TNXB: variants seen among roughly 807,000 people sequenced by gnomAD.
TNXB encodes tenascin XB.
A neutral mutation model predicts 340.5 loss-of-function variants in TNXB; 183 were observed. The observed-to-expected ratio is 0.54, with a 90% CI of 0.48 to 0.61. The LOEUF (loss-of-function observed/expected upper bound fraction) is 0.61. Among genes scored for constraint, TNXB ranks in the 20% least tolerant of loss-of-function variants. The pLI, the probability that TNXB is intolerant of heterozygous loss-of-function variation, is 0.00. For synonymous variants in TNXB, 2,121 were observed against 2,314.5 expected (o/e 0.92, Z 2.40); for missense variants, 4,613 against 5,446.4 (o/e 0.85, Z 4.82).
In TNXB at chr6:32,097,624, C is replaced by T. The variant is rs928678466; in HGVS notation, c.403+172G>A. 10 of 1,094,846 alleles carry T rather than the reference C, an allele frequency of 9.1e-6. No individual in the cohort carries two copies. Among genetic ancestry groups the T allele is most frequent in the Non-Finnish European group, 1.3e-5 (10 of 788,916 alleles). 67.8% of individuals were successfully genotyped at this position (1,094,846 alleles called of 1,614,324 possible). ...CAGCCTCTCAGGGCCCTCGCATATG[C>T]TTTGGTTGACATGTAGCCCAGCTCT... On this transcript the variant is annotated intron_variant, in intron 2 of 43. Coordinates refer to ENST00000644971, the MANE Select transcript of TNXB (RefSeq NM_001365276.2). This position sits in a 1 kb window ranked among gnomAD's most constrained non-coding sequence, Gnocchi z 5.9.
Position 32,049,305 on chromosome 6 carries a change from T to A in TNXB, c.9722A>T (p.Gln3241Leu). 1 of 1,612,176 alleles carries A rather than the reference T, an allele frequency of 6.2e-7. No individual in the cohort carries two copies. Among genetic ancestry groups the A allele is most frequent in the Non-Finnish European group, 8.5e-7 (1 of 1,179,712 alleles). ...KMHLYGLHEG[Q>L]RVGPVSTVGI... ...CACGGTGGACACTGGGCCCACGCGC[T>A]GCCCCTCGTGGAGGCCGTACAGATG... The change falls in exon 28 of 44, where the codon CAG becomes CTG. Residue 3241 changes from glutamine (Q) to leucine (L), a missense_variant. By Grantham distance (113) the Gln-to-Leu change is moderately radical. Around this residue, in one of 7 missense-constraint regions of TNXB, gnomAD observed 4,327 missense variants for 4,859.4 expected, o/e 0.89. Transcript: ENST00000644971. This position sits in a 1 kb window ranked among gnomAD's most constrained non-coding sequence, Gnocchi z 4.5.
intron 26 of TNXB, among the ~76,000 whole-genome samples, chr6:32,050,904 T>C (rs1419146507): frequency 6.6e-6 from 1 of 152,154 alleles, no homozygotes; most frequent in Admixed American, 6.5e-5. Flanking sequence ...ATCCCCATCT[T>C]TAGCCCCCAC....
Position 32,095,114 on chromosome 6 carries a change from C to G in TNXB, c.2320G>C (p.Gly774Arg). Residue 774 changes from glycine to arginine, a missense_variant, in exon 4 of 44, where the codon GGC (glycine) becomes CGC (arginine). By Grantham distance (125) the Gly-to-Arg change is moderately radical. Around this residue, in one of 7 missense-constraint regions of TNXB, gnomAD observed 4,327 missense variants for 4,859.4 expected, o/e 0.89. Transcript: ENST00000644971. ...TGAATTTCATAGGCATCCACGGGGC[C>G]AGGAGCCGGGGTCCACTCTGTCCGA... is the stretch of plus-strand genomic sequence containing the variant. The part of the protein sequence containing the change: ...TVRTEWTPAP[G>R]PVDAYEIQFI... 1 of 1,549,482 alleles carries G rather than the reference C, an allele frequency of 6.5e-7. No homozygotes were observed. The highest frequency in any genetic ancestry group is 8.7e-7 in the Non-Finnish European group (1 of 1,146,220).
In TNXB at chr6:32,068,739, G is replaced by A; in HGVS notation, c.5903-32C>T. The A allele has an allele frequency of 3.1e-6, 5 of 1,604,586 alleles. No homozygotes were observed. The highest frequency in any genetic ancestry group is 4.3e-6 in the Non-Finnish European group (5 of 1,173,688). On this transcript the variant is annotated intron_variant, in intron 16 of 43. Coordinates refer to ENST00000644971, the MANE Select transcript of TNXB (RefSeq NM_001365276.2). This position sits in a 1 kb window ranked among gnomAD's most constrained non-coding sequence, Gnocchi z 5.3. Reference sequence around the variant, plus strand: ...AGAGACATGGAAAGAGAGGACTGAGGTGGGCAGGGTATCCGCGGGACTCTG... The same window carrying A: ...AGAGACATGGAAAGAGAGGACTGAGATGGGCAGGGTATCCGCGGGACTCTG...
In TNXB at chr6:32,097,124, G is replaced by A. The variant is rs1357261408; in HGVS notation, c.729C>T (p.Asp243=). 6.2e-6 allele frequency: 10 copies of A among 1,609,784 alleles called. No homozygotes were observed. Among genetic ancestry groups the A allele is most frequent in the South Asian group, 4.4e-5 (4 of 90,328 alleles). The stretch of plus-strand genomic sequence containing the variant: ...CTCGAGGGCAGGAGCGCTGGCTGCA[G>A]TCGGGGCCTGAGAAGCCTGCCCGGC... The part of the protein sequence containing the change: ...CVCRAGFSGP[D]CSQRSCPRGC... Residue 243 remains aspartate (D), a synonymous_variant, in exon 3 of 44, where the codon GAC becomes GAT. Transcript: ENST00000644971. The surrounding 1 kb of genome is among the most constrained non-coding windows in gnomAD (Gnocchi z 5.9).
intron 1 of TNXB, among the ~76,000 whole-genome samples, chr6:32,101,588 C>A (rs968125117): frequency 3.2e-5 from 4 of 126,222 alleles, no homozygotes; most frequent in Admixed American, 8.1e-5. Flanking sequence ...CGCACCCAGC[C>A]TTTTTTTTTT....
chr6:32,087,347 G>A lies in TNXB; in HGVS notation c.2780-1229C>T. Reference sequence around the variant, plus strand: ...GTGGTGCCGGGCCTGAGGTCGGGCAGGCTGACGGTGCGCGTGGTGCCCGGC... The same window carrying A: ...GTGGTGCCGGGCCTGAGGTCGGGCAAGCTGACGGTGCGCGTGGTGCCCGGC... On this transcript the variant is annotated intron_variant, in intron 6 of 43. Coordinates refer to ENST00000644971, the MANE Select transcript of TNXB (RefSeq NM_001365276.2). The surrounding 1 kb of genome is among the most constrained non-coding windows in gnomAD (Gnocchi z 9.0). 1 of 482,760 alleles carries A rather than the reference G, an allele frequency of 2.1e-6. No homozygotes were observed. Among genetic ancestry groups the A allele is most frequent in the Non-Finnish European group, 4.1e-6 (1 of 242,306 alleles). 29.9% of individuals were successfully genotyped at this position (482,760 alleles called of 1,614,324 possible). A position where few individuals can be genotyped will look rare whatever the true frequency, so the allele number is the denominator to read the frequency against.
Position 32,085,870 on chromosome 6 carries a change from C to T in TNXB, c.3028G>A (p.Gly1010Arg), listed in dbSNP as rs780955863. 2 of 1,608,700 alleles carry T rather than the reference C, an allele frequency of 1.2e-6. No individual in the cohort carries two copies. The highest frequency in any genetic ancestry group is 1.7e-6 in the Non-Finnish European group (2 of 1,178,716). Residue 1010 changes from glycine (G) to arginine (R), a missense_variant, in exon 7 of 44, where the codon GGG becomes AGG. Transcript: ENST00000644971. The surrounding 1 kb of genome is among the most constrained non-coding windows in gnomAD (Gnocchi z 6.4). The part of the protein sequence containing the change: ...GPGAHEEVLP[G>R]DVRQALVPPP... Reference sequence around the variant, plus strand: ...GGCACCAGAGCCTGGCGGACGTCCCCTGGCAGCACTTCCTCATGTGCCCCC... The same window carrying T: ...GGCACCAGAGCCTGGCGGACGTCCCTTGGCAGCACTTCCTCATGTGCCCCC...
rs1780042168 is a variant in TNXB at position 32,090,891 on chromosome 6, C to A, written c.2359-1512G>T. 6.6e-6 allele frequency among the ~76,000 whole-genome samples: 1 copy of A among 152,096 alleles called. No individual in the cohort carries two copies. The highest frequency in any genetic ancestry group is 6.5e-5 in the Admixed American group (1 of 15,282). On this transcript the variant is annotated intron_variant, in intron 4 of 43. Transcript: ENST00000644971. The surrounding 1 kb of genome is among the most constrained non-coding windows in gnomAD (Gnocchi z 4.3). ...TCTCTTTATCCACACCCACCCCATC[C>A]CCACAGCCGCAATACACACACCTTG... is the stretch of plus-strand genomic sequence containing the variant.
rs1326408214 is a variant in TNXB at position 32,046,700 on chromosome 6, G to A, written c.10325-244C>T. 8 of 432,668 alleles carry A rather than the reference G, an allele frequency of 1.8e-5. No homozygotes were observed. The highest frequency in any genetic ancestry group is 1.3e-4 in the East Asian group (4 of 30,928). 26.8% of individuals were successfully genotyped at this position (432,668 alleles called of 1,614,324 possible). ...GCCCCGCCCCTTCCCTGCTGTGATC[G>A]AGGATGCGCCAAATTCATTACAGAT... is the stretch of plus-strand genomic sequence containing the variant. On this transcript the variant is annotated intron_variant, in intron 30 of 43. Coordinates refer to ENST00000644971, the MANE Select transcript of TNXB (RefSeq NM_001365276.2). This position sits in a 1 kb window ranked among gnomAD's most constrained non-coding sequence, Gnocchi z 6.9.
Position 32,096,635 on chromosome 6 carries a change from G to T in TNXB, c.1218C>A (p.Gly406=). Residue 406 remains glycine, a synonymous_variant, in exon 3 of 44, where the codon GGC becomes GGA. Transcript: ENST00000644971. ...GDDCGVRSCP[G]DCNQRGRCED... The stretch of plus-strand genomic sequence containing the variant: ...CGCAGCGGCCCCTTTGGTTGCAGTC[G>T]CCAGGGCAGCTGCGCACGCCGCAGT... The T allele has an allele frequency of 6.6e-7, 1 of 1,506,794 alleles. No individual in the cohort carries two copies. 93.3% of individuals were successfully genotyped at this position (1,506,794 alleles called of 1,614,324 possible).
chr6:32,078,135 A>G (rs553820839), intron 11 of TNXB, among the ~76,000 whole-genome samples: 32 of 138,694 alleles, frequency 2.3e-4, no homozygotes, highest in East Asian at 4.6e-4. Context: ...AAGAAAGAAA[A>G]AGAGAGAAAG....
Position 32,095,725 on chromosome 6 carries a change from G to C in TNXB, c.2128C>G (p.Arg710Gly). 6.2e-7 allele frequency: 1 copy of C among 1,613,616 alleles called. No homozygotes were observed. Among genetic ancestry groups the C allele is most frequent in the South Asian group, 1.1e-5 (1 of 91,066 alleles). The change falls in exon 3 of 44, where the codon CGA (arginine) becomes GGA (glycine). Residue 710 changes from arginine (R) to glycine (G), a missense_variant. Arg to Gly is a moderately radical substitution (Grantham distance 125). This residue lies in a region of TNXB where 4,327 missense variants were observed against 4,859.4 expected (regional missense o/e 0.89). Coordinates refer to ENST00000644971, the MANE Select transcript of TNXB (RefSeq NM_001365276.2). ...AGQCVCVEGF[R>G]GPDCAIQTCP... The stretch of plus-strand genomic sequence containing the variant: ...GTCTGGATGGCACAGTCAGGGCCTC[G>C]GAAGCCCTCTACACACACACACTGG...
chr6:32,097,381 AG>A lies in TNXB; in HGVS notation c.471del (p.Cys158ValfsTer120). On this transcript the variant is annotated frameshift_variant, in exon 3 of 44. Transcript: ENST00000644971. LOFTEE classifies it high-confidence loss of function. This position sits in a 1 kb window ranked among gnomAD's most constrained non-coding sequence, Gnocchi z 5.9. The stretch of plus-strand genomic sequence containing the variant: ...GTGGGCCCACCCCAGCCTGGCTCAC[AG>A]GAACAGGTGCAGCGGCTCAGATCAA... The part of the protein sequence containing the change: ...GVFDLSRCTC[S>X]CEPGWGGPTC... 3.7e-6 allele frequency: 6 copies of A among 1,611,350 alleles called. No individual in the cohort carries two copies. Among genetic ancestry groups the A allele is most frequent in the Non-Finnish European group, 5.1e-6 (6 of 1,179,602 alleles).
At chr6:32,071,793 C>A (rs1778789223) in intron 13 of TNXB, among the ~76,000 whole-genome samples, 197 bp downstream of exon 13, 1 of 152,150 alleles carries the variant, frequency 6.6e-6, no homozygotes, top group African/African-American at 2.4e-5. Context: ...GCCATGTTGG[C>A]CAGACTGGTC....
Position 32,050,288 on chromosome 6 carries a change from A to C in TNXB, c.9149T>G (p.Val3050Gly). 1.2e-6 allele frequency: 2 copies of C among 1,613,182 alleles called. No individual in the cohort carries two copies. Among genetic ancestry groups the C allele is most frequent in the Non-Finnish European group, 1.7e-6 (2 of 1,179,756 alleles). Residue 3050 changes from valine to glycine, a missense_variant, in exon 27 of 44, where the codon GTG becomes GGG. Around this residue, in one of 7 missense-constraint regions of TNXB, gnomAD observed 4,327 missense variants for 4,859.4 expected, o/e 0.89. Transcript: ENST00000644971. The stretch of plus-strand genomic sequence containing the variant: ...GGGGGGCTCAGGGGTCATGGTAGGC[A>C]CTGCTTGGGTGGTCTCGGCTTCATC... ...PKDEAETTQA[V>G]PTMTPEPPIK...
In TNXB at chr6:32,062,652, G is replaced by T. The variant is rs1778102416; in HGVS notation, c.6842-169C>A. Among the ~76,000 whole-genome samples the T allele has an allele frequency of 6.6e-6, 1 of 152,232 alleles. No homozygotes were observed. Among genetic ancestry groups the T allele is most frequent in the Admixed American group, 6.5e-5 (1 of 15,276 alleles). ...GTTCAGTTAACACCACACCTGTGGTGAAGTCATGATGCTCAGGTGGCATCC... is the reference window on the plus strand; with the variant it reads ...GTTCAGTTAACACCACACCTGTGGTTAAGTCATGATGCTCAGGTGGCATCC... On this transcript the variant is annotated intron_variant, in intron 19 of 43. Transcript: ENST00000644971. This position sits in a 1 kb window ranked among gnomAD's most constrained non-coding sequence, Gnocchi z 4.3.
intron 24 of TNXB, among the ~76,000 whole-genome samples, chr6:32,054,869 G>A (rs1018433553): frequency 1.3e-5 from 2 of 152,196 alleles, no homozygotes; most frequent in African/African-American, 2.4e-5. Flanking sequence ...TCTTGGCGTG[G>A]TCCAGTTGAA....
At chr6:32,098,287 G>T in intron 1 of TNXB, 81 bp from the exon 2 acceptor site, 3 of 1,187,300 alleles carry the variant, frequency 2.5e-6, no homozygotes, top group South Asian at 4.4e-5. Flanking sequence ...ACATACCCAC[G>T]GTCCCACCAC....
Sources: gnomAD v4.1 joint callset for allele counts (sites outside exome capture counted in the v4.1 genomes callset) on GRCh38, gnomAD v4.1.1 for gene constraint, gnomAD v4.1.1 regional missense constraint, Gnocchi (gnomAD v3.1) non-coding constraint, MANE v1.5 for transcripts, NCBI Gene and HGNC (gene_info 2026-07-23, HGNC 2026-07-21) for gene names.